Variants in PCSK2 observed in about 807,000 individuals in gnomAD.
PCSK2 encodes the protein proprotein convertase subtilisin/kexin type 2, also known as neuroendocrine convertase 2.
A neutral mutation model predicts 69.7 loss-of-function variants in PCSK2; 14 were observed. The ratio of observed to expected loss-of-function variants is 0.20; its 90% CI spans 0.13 to 0.31. The LOEUF (loss-of-function observed/expected upper bound fraction) is 0.31, where lower values mean the gene tolerates loss of function less well. Among genes scored for constraint, PCSK2 ranks in the 10% least tolerant of loss-of-function variants. The pLI is 1.00. For synonymous variants in PCSK2, 307 were observed against 320.7 expected (o/e 0.96, Z 0.46); for missense variants, 544 against 842.5 (o/e 0.65, Z 4.39).
intron 2 of PCSK2, among the ~76,000 whole-genome samples, chr20:17,348,031 GAAGA>G (rs377281753): frequency 0.044 from 3,158 of 71,886 alleles, 166 homozygotes; most frequent in Middle Eastern, 0.11. Context: ...GAGAAAGAAA[GAAGA>G]AAGAAAGAAA....
chr20:17,330,235 A>G (rs569963786), intron 2 of PCSK2, among the ~76,000 whole-genome samples: 1 of 152,276 alleles, frequency 6.6e-6, no homozygotes, highest in African/African-American at 2.4e-5. Flanking sequence ...GTGACTACCT[A>G]TGGGACAATA....
intron 8 of PCSK2, among the ~76,000 whole-genome samples, chr20:17,444,485 A>G (rs1396559786): frequency 6.6e-6 from 1 of 152,198 alleles, no homozygotes; most frequent in Non-Finnish European, 1.5e-5. Flanking sequence ...TTTGCTTAGT[A>G]GTCTATGTGT....
Position 17,431,434 on chromosome 20 carries a change from C to T in PCSK2, c.709+1911C>T, listed in dbSNP as rs182510229. Among the ~76,000 whole-genome samples the T allele has an allele frequency of 2.1e-3, 320 of 152,340 alleles. 2 individuals are homozygous for T. The highest frequency in any genetic ancestry group is 7.4e-3 in the African/African-American group (306 of 41,588). ...CCAGAGGACCCGGTGGGTGCAGCAGCCTCTGCCTCGCCTGCTGAATGCAGC... is the reference window on the plus strand; with the variant it reads ...CCAGAGGACCCGGTGGGTGCAGCAGTCTCTGCCTCGCCTGCTGAATGCAGC... On this transcript the variant is annotated intron_variant, in intron 7 of 11. Coordinates refer to ENST00000262545, the MANE Select transcript of PCSK2 (RefSeq NM_002594.5).
At chr20:17,354,201 A>G (rs2030114665) in intron 2 of PCSK2, among the ~76,000 whole-genome samples, 1 of 152,228 alleles carries the variant, frequency 6.6e-6, no homozygotes, top group Non-Finnish European at 1.5e-5. Flanking sequence ...TAATAGTGAT[A>G]CCCAGTAACA....
intron 2 of PCSK2, among the ~76,000 whole-genome samples, chr20:17,279,475 T>A (rs1296183718): frequency 2.0e-5 from 3 of 152,198 alleles, no homozygotes; most frequent in African/African-American, 7.2e-5. Context: ...AAAGCTATGT[T>A]TCTATTGACA....
chr20:17,482,187 T>A lies in PCSK2; in HGVS notation c.*117T>A. 1.1e-6 allele frequency: 1 copy of A among 904,102 alleles called. No homozygotes were observed. The highest frequency in any genetic ancestry group is 1.6e-6 in the Non-Finnish European group (1 of 618,800). 56.0% of individuals were successfully genotyped at this position (904,102 alleles called of 1,614,324 possible). A position where few individuals can be genotyped will look rare whatever the true frequency, so the allele number is the denominator to read the frequency against. On this transcript the variant is annotated 3_prime_UTR_variant, in exon 12 of 12. Coordinates refer to ENST00000262545, the MANE Select transcript of PCSK2 (RefSeq NM_002594.5). Reference sequence around the variant, plus strand: ...ACCCGTACAGGCAATTCCGTCTTCTTAATCTGAAGCTTCACTCACTGTCAA... The same window carrying A: ...ACCCGTACAGGCAATTCCGTCTTCTAAATCTGAAGCTTCACTCACTGTCAA...
intron 5 of PCSK2, among the ~76,000 whole-genome samples, chr20:17,400,301 C>A (rs1450410340): frequency 6.6e-6 from 1 of 152,124 alleles, no homozygotes; most frequent in African/African-American, 2.4e-5. Flanking sequence ...AATTCTGATG[C>A]AGAAAAGCAA....
In PCSK2 at chr20:17,453,601, TG is replaced by T; in HGVS notation, c.886-139del. 1.4e-6 allele frequency: 1 copy of T among 719,340 alleles called. No individual in the cohort carries two copies. Among genetic ancestry groups the T allele is most frequent in the Non-Finnish European group, 2.2e-6 (1 of 453,714 alleles). The allele number at this position is 719,340 out of a possible 1,614,324, so 44.6% of individuals were successfully genotyped here. ...CCCACAATGCCCTGCCAGAAGGATA[TG>T]GTGTCCAACCCAGTTTAAAAAGTGC... On this transcript the variant is annotated intron_variant, in intron 8 of 11. Coordinates refer to ENST00000262545, the MANE Select transcript of PCSK2 (RefSeq NM_002594.5). The surrounding 1 kb of genome is among the most constrained non-coding windows in gnomAD (Gnocchi z 4.0).
chr20:17,226,397 C>A (rs910741262), upstream of PCSK2: 1 of 152,178 alleles, frequency 6.6e-6, no homozygotes, highest in East Asian at 2.0e-4. Context: ...CCCCAACCCT[C>A]CTGGTGCCAA....
intron 6 of PCSK2, among the ~76,000 whole-genome samples, chr20:17,413,878 T>C (rs535299175): frequency 1.6e-3 from 242 of 152,228 alleles, no homozygotes; most frequent in Non-Finnish European, 2.5e-3. Flanking sequence ...ATTAAGAAAC[T>C]CACTCAAAAC....
intron 1 of PCSK2, among the ~76,000 whole-genome samples, chr20:17,245,023 C>T (rs1303094845): frequency 6.6e-6 from 1 of 152,134 alleles, no homozygotes; most frequent in Non-Finnish European, 1.5e-5. Flanking sequence ...CCAGGCAGAG[C>T]AGGTCAGATC....
chr20:17,401,015 G>A (rs769232146), intron 5 of PCSK2, among the ~76,000 whole-genome samples: 20 of 151,916 alleles, frequency 1.3e-4, no homozygotes, highest in Non-Finnish European at 2.4e-4. Context: ...ATATCTTTAG[G>A]GTAGAGTCTT....
intron 6 of PCSK2, among the ~76,000 whole-genome samples, chr20:17,413,003 G>T (rs1376443158): frequency 6.6e-6 from 1 of 152,104 alleles, no homozygotes; most frequent in Non-Finnish European, 1.5e-5. Flanking sequence ...TCACCACCAG[G>T]CCTGCCTTAC....
chr20:17,263,966 T>A (rs948598360), intron 2 of PCSK2, among the ~76,000 whole-genome samples: 1 of 152,228 alleles, frequency 6.6e-6, no homozygotes. Flanking sequence ...CTGTAAGATT[T>A]GTTCAACATT....
chr20:17,240,362 G>A (rs1000613339), intron 1 of PCSK2, among the ~76,000 whole-genome samples: 1 of 152,034 alleles, frequency 6.6e-6, no homozygotes, highest in Non-Finnish European at 1.5e-5. Flanking sequence ...CAAAGGGTGA[G>A]GAGGCTGGGA....
chr20:17,241,687 G>C (rs375240219), intron 1 of PCSK2, among the ~76,000 whole-genome samples: 1 of 152,130 alleles, frequency 6.6e-6, no homozygotes, highest in Non-Finnish European at 1.5e-5. Flanking sequence ...CACACTGAAC[G>C]GCTGGTAGAG....
At chr20:17,463,303 T>A (rs1228373895) in intron 10 of PCSK2, 2 of 152,198 alleles carry the variant, frequency 1.3e-5, no homozygotes, top group African/African-American at 4.8e-5. Flanking sequence ...TTGTCAACAC[T>A]TCTGAGATTA....
chr20:17,435,787 C>T (rs1239071274), intron 7 of PCSK2, among the ~76,000 whole-genome samples: 1 of 152,212 alleles, frequency 6.6e-6, no homozygotes. Context: ...TGGAGAGAGG[C>T]ATGTGACCCC....
chr20:17,305,523 G>A (rs1989299234), intron 2 of PCSK2, among the ~76,000 whole-genome samples: 1 of 152,112 alleles, frequency 6.6e-6, no homozygotes, highest in South Asian at 2.1e-4. Flanking sequence ...TCGGCTCTCT[G>A]CCACTTCCCA....
Sources: gnomAD v4.1 joint callset for allele counts (sites outside exome capture counted in the v4.1 genomes callset) on GRCh38, gnomAD v4.1.1 for gene constraint, Gnocchi (gnomAD v3.1) non-coding constraint, MANE v1.5 for transcripts, NCBI Gene and HGNC (gene_info 2026-07-23, HGNC 2026-07-21) for gene names.